ZBTB49: variants seen among roughly 807,000 people sequenced by gnomAD.
ZBTB49 encodes the protein zinc finger and BTB domain containing 49, also known as zinc finger and BTB domain-containing protein 49.
Under a neutral mutation model 57.5 loss-of-function variants are expected in ZBTB49, and 43 were observed. The ratio of observed to expected loss-of-function variants is 0.75; its 90% CI spans 0.59 to 0.97. The LOEUF is 0.97. Among genes scored for constraint, ZBTB49 ranks in the 50% least tolerant of loss-of-function variants. ZBTB49 has a pLI of 0.00. For missense variants in ZBTB49, 938 were observed against 947.7 expected (o/e 0.99, Z 0.13); for synonymous variants, 369 against 362.1 (o/e 1.02, Z -0.22).
At chr4:4,293,831 A>G (rs1364683067) in intron 1 of ZBTB49, among the ~76,000 whole-genome samples, 1 of 151,842 alleles carries the variant, frequency 6.6e-6, no homozygotes, top group African/African-American at 2.4e-5. Flanking sequence ...CACTGTTCTG[A>G]AAGATGGGAA....
In ZBTB49 at chr4:4,302,766, GAAGCTC is replaced by G. The variant is rs1267738855; in HGVS notation, c.933_938del (p.Lys311_Leu312del). 3 of 1,614,084 alleles carry G rather than the reference GAAGCTC, an allele frequency of 1.9e-6. No individual in the cohort carries two copies. The highest frequency in any genetic ancestry group is 2.5e-6 in the Non-Finnish European group (3 of 1,180,018). On this transcript the variant is annotated inframe_deletion, in exon 3 of 8. Coordinates refer to ENST00000337872, the MANE Select transcript of ZBTB49 (RefSeq NM_145291.4). ...GGCTCAAAAAGGCCATTCATCTGAA[GAAGCTC>G]AATTTCCTGAAGTCACAGAAATACG...
At chr4:4,299,808 TGTGAGA>T in intron 1 of ZBTB49, 113 bp from the exon 2 acceptor site, 3 of 711,778 alleles carry the variant, frequency 4.2e-6, no homozygotes, top group South Asian at 3.6e-5. Flanking sequence ...TGTGTGTGTG[TGTGAGA>T]GAGAAACTGT....
chr4:4,302,104 A>G lies in ZBTB49; in HGVS notation c.268A>G (p.Asn90Asp). Residue 90 changes from asparagine (N) to aspartate (D), a missense_variant, in exon 3 of 8, where the codon AAC becomes GAC. Transcript: ENST00000337872. ...DFMYTSHLDLNQDNIQVMLDT... is the reference protein window; with the variant it reads ...DFMYTSHLDLDQDNIQVMLDT... ...CATGTACACTTCTCATCTAGATCTT[A>G]ACCAGGACAATATACAAGTAATGCT... 6.2e-7 allele frequency: 1 copy of G among 1,614,214 alleles called. No homozygotes were observed. The highest frequency in any genetic ancestry group is 8.5e-7 in the Non-Finnish European group (1 of 1,180,018).
At position 4,315,848 on chromosome 4, in the gene ZBTB49, C is replaced by T. The variant is rs1721174047; in HGVS notation, c.1499C>T (p.Thr500Ile). 2.5e-6 allele frequency: 4 copies of T among 1,614,228 alleles called. No homozygotes were observed. The highest frequency in any genetic ancestry group is 3.4e-6 in the Non-Finnish European group (4 of 1,180,034). The change falls in exon 7 of 8, where the codon ACA (threonine) becomes ATA (isoleucine). Residue 500 changes from threonine to isoleucine, a missense_variant. Physicochemically the swap from Thr to Ile is moderately conservative, Grantham distance 89. Coordinates refer to ENST00000337872, the MANE Select transcript of ZBTB49 (RefSeq NM_145291.4). ...NFSNLKEHKK[T>I]HTADKVFTCD... ...AGTAATTTGAAGGAGCACAAAAAGACACACACGGCTGATAAAGTCTTCACC... is the reference window on the plus strand; with the variant it reads ...AGTAATTTGAAGGAGCACAAAAAGATACACACGGCTGATAAAGTCTTCACC...
At chr4:4,315,275 G>A (rs961240690) in intron 5 of ZBTB49, among the ~76,000 whole-genome samples, 1 of 152,178 alleles carries the variant, frequency 6.6e-6, no homozygotes, top group African/African-American at 2.4e-5. Context: ...CTGCAAGGGT[G>A]GAAGGGGCAT....
intron 5 of ZBTB49, among the ~76,000 whole-genome samples, chr4:4,313,846 AC>A (rs1272461284): frequency 6.6e-6 from 1 of 152,186 alleles, no homozygotes; most frequent in African/African-American, 2.4e-5. Context: ...CTCTGTACGC[AC>A]CTTGGTTACG....
intron 4 of ZBTB49, among the ~76,000 whole-genome samples, chr4:4,306,733 A>G (rs1720751268): frequency 2.0e-5 from 3 of 152,222 alleles, no homozygotes; most frequent in Admixed American, 1.3e-4. Flanking sequence ...TGGGACACAA[A>G]GAAACCTAGA....
In ZBTB49 at chr4:4,297,637, T is replaced by C. The variant is rs75420464; in HGVS notation, c.-19-2290T>C. 1.3e-3 allele frequency among the ~76,000 whole-genome samples: 199 copies of C among 152,148 alleles called. 1 individual carries two copies. The highest frequency in any genetic ancestry group is 4.6e-3 in the African/African-American group (191 of 41,540). On this transcript the variant is annotated intron_variant, in intron 1 of 7. Transcript: ENST00000337872. Reference sequence around the variant, plus strand: ...CCATCTCTGCAAAAAATTTTTTAAATTAGCCAGGTATGGTGGCACATGCCT... The same window carrying C: ...CCATCTCTGCAAAAAATTTTTTAAACTAGCCAGGTATGGTGGCACATGCCT...
rs200568892 is a variant in ZBTB49, at chr4:4,320,650, T to C, written c.1632T>C (p.Phe544=). The change falls in exon 8 of 8, where the codon TTT becomes TTC. Residue 544 remains phenylalanine (F), a synonymous_variant. Coordinates refer to ENST00000337872, the MANE Select transcript of ZBTB49 (RefSeq NM_145291.4). ...TTTTTCTTTTTCCAGGGAAATGTTT[T>C]GGGGGATCAGGTGACCTCCGCAGGC... The part of the protein sequence containing the change: ...PYSCSACGKC[F]GGSGDLRRHV... 1 of 1,613,866 alleles carries C rather than the reference T, an allele frequency of 6.2e-7. No individual in the cohort carries two copies. The highest frequency in any genetic ancestry group is 8.5e-7 in the Non-Finnish European group (1 of 1,179,964).
chr4:4,312,421 G>A (rs891277431), intron 4 of ZBTB49, among the ~76,000 whole-genome samples: 5 of 151,970 alleles, frequency 3.3e-5, no homozygotes, highest in Non-Finnish European at 7.4e-5. Flanking sequence ...GTTATTCTTC[G>A]CAAAGCCTTG....
intron 1 of ZBTB49, among the ~76,000 whole-genome samples, chr4:4,295,993 A>G (rs1017883537): frequency 6.6e-6 from 1 of 152,242 alleles, no homozygotes; most frequent in African/African-American, 2.4e-5. Context: ...GTGTTAGAAC[A>G]TGTAAAAGCC....
Position 4,321,331 on chromosome 4 carries a change from C to G in ZBTB49, c.*15C>G. 2 of 1,604,022 alleles carry G rather than the reference C, an allele frequency of 1.2e-6. No individual in the cohort carries two copies. The highest frequency in any genetic ancestry group is 1.7e-5 in the Admixed American group (1 of 59,942). On this transcript the variant is annotated 3_prime_UTR_variant, in exon 8 of 8. Coordinates refer to ENST00000337872, the MANE Select transcript of ZBTB49 (RefSeq NM_145291.4). ...TAGACCAGTGATGTACCGCGCTTCT[C>G]CACGGTAGAGGCGTGTTCTCAGTTT...
rs147595781 is a variant in ZBTB49 at position 4,302,420 on chromosome 4, C to T, written c.584C>T (p.Pro195Leu). ...GCAGGTGAAATCTCAAAACAAGCTC[C>T]TGATACTTCAGATGGCAGCTGCACA... is the stretch of plus-strand genomic sequence containing the variant. ...HSAGEISKQA[P>L]DTSDGSCTEL... Residue 195 changes from proline to leucine, a missense_variant, in exon 3 of 8, where the codon CCT (proline) becomes CTT (leucine). Coordinates refer to ENST00000337872, the MANE Select transcript of ZBTB49 (RefSeq NM_145291.4). 1.3e-5 allele frequency: 21 copies of T among 1,614,226 alleles called. No individual in the cohort carries two copies. The highest frequency in any genetic ancestry group is 1.8e-5 in the Non-Finnish European group (21 of 1,180,044).
chr4:4,313,881 A>G (rs1205348178), intron 5 of ZBTB49, among the ~76,000 whole-genome samples: 3 of 152,170 alleles, frequency 2.0e-5, no homozygotes, highest in African/African-American at 7.2e-5. Context: ...CATTTATTTA[A>G]TCATTCATTG....
rs116988111 is a variant in ZBTB49 at position 4,303,314 on chromosome 4, T to C, written c.1255+223T>C. 3.9e-4 allele frequency among the ~76,000 whole-genome samples: 60 copies of C among 152,352 alleles called. No individual in the cohort carries two copies. The East Asian group carries it at 0.011, about 28-fold the overall frequency. The stretch of plus-strand genomic sequence containing the variant: ...TATAAAGTCACTTTAAAAAGGTGCA[T>C]ACTTTTAATTTTTATTTCAACTACA... On this transcript the variant is annotated intron_variant, in intron 3 of 7. Coordinates refer to ENST00000337872, the MANE Select transcript of ZBTB49 (RefSeq NM_145291.4).
At chr4:4,310,600 C>T (rs1038915330) in intron 4 of ZBTB49, among the ~76,000 whole-genome samples, 2 of 151,442 alleles carry the variant, frequency 1.3e-5, no homozygotes, top group African/African-American at 4.9e-5. Flanking sequence ...AGCTCCACCT[C>T]CTGGGTTCAC....
intron 4 of ZBTB49, among the ~76,000 whole-genome samples, chr4:4,312,830 G>A (rs1721030699): frequency 6.6e-6 from 1 of 152,188 alleles, no homozygotes; most frequent in South Asian, 2.1e-4. Flanking sequence ...GGACGGGGTG[G>A]AGACACATCT....
chr4:4,309,512 C>T (rs1166397953), intron 4 of ZBTB49, among the ~76,000 whole-genome samples: 2 of 152,206 alleles, frequency 1.3e-5, no homozygotes, highest in Admixed American at 1.3e-4. Context: ...AATTACCTGT[C>T]TTTGGGGAGA....
At chr4:4,315,494 G>A (rs1267889283) in intron 5 of ZBTB49, 142 bp from the exon 6 acceptor site, 12 of 746,164 alleles carry the variant, frequency 1.6e-5, no homozygotes, top group East Asian at 1.1e-4. Flanking sequence ...TTCCATGCAC[G>A]TTTCAGATGA....
Sources: allele counts gnomAD v4.1 joint callset (sites outside exome capture counted in the v4.1 genomes callset), GRCh38; gene constraint gnomAD v4.1.1; transcripts MANE v1.5; gene names NCBI Gene and HGNC (gene_info 2026-07-23, HGNC 2026-07-21).